ROPN1: variants seen among roughly 807,000 people sequenced by gnomAD.
The protein encoded by ROPN1 is ropporin-1A.
Under a neutral mutation model 20.5 loss-of-function variants are expected in ROPN1, and 14 were observed. The observed-to-expected ratio is 0.68, with a 90% CI of 0.45 to 1.07. The LOEUF is 1.07. ROPN1 is among the 50% of genes least tolerant of loss of function. The pLI is 0.00. For synonymous variants in ROPN1, 76 were observed against 95.7 expected (o/e 0.79, Z 1.20); for missense variants, 169 against 242.8 (o/e 0.70, Z 2.02).
At chr3:123,980,310 G>C in intron 2 of ROPN1, 56 bp downstream of exon 2, 1 of 1,571,478 alleles carries the variant, frequency 6.4e-7, no homozygotes, top group Admixed American at 1.7e-5. Flanking sequence ...CGGTTTTACA[G>C]GACCCTCTGT....
intron 2 of ROPN1, among the ~76,000 whole-genome samples, chr3:123,977,336 A>G (rs899364698): frequency 2.0e-5 from 3 of 152,196 alleles, no homozygotes; most frequent in African/African-American, 4.8e-5. Flanking sequence ...ACATATGTAT[A>G]TATAATATTG....
chr3:123,970,162 C>A lies in ROPN1; in HGVS notation c.452G>T (p.Gly151Val). ...GCTGAACGGGATCCGGGGCGACCCA[C>A]CATTATGGTCACATGATAAGACCTC... The part of the protein sequence containing the change: ...VCEVLSCDHN[G>V]GSPRIPFSTF... Residue 151 changes from glycine to valine, a missense_variant, in exon 5 of 6, where the codon GGT becomes GTT. Gly to Val is a moderately radical substitution (Grantham distance 109, BLOSUM62 -3). Coordinates refer to ENST00000405845, the MANE Select transcript of ROPN1 (RefSeq NM_001317774.2). The A allele has an allele frequency of 1.2e-6, 2 of 1,614,034 alleles. No individual in the cohort carries two copies. The highest frequency in any genetic ancestry group is 1.7e-6 in the Non-Finnish European group (2 of 1,179,956).
chr3:123,973,897 A>T (rs2037962538), intron 4 of ROPN1, among the ~76,000 whole-genome samples: 1 of 152,228 alleles, frequency 6.6e-6, no homozygotes, highest in Non-Finnish European at 1.5e-5. Flanking sequence ...AGGCATTACC[A>T]TGGAGACCAG....
chr3:123,985,992 C>CA (rs35677015), intron 1 of ROPN1, among the ~76,000 whole-genome samples: 12 of 22,124 alleles, frequency 5.4e-4, no homozygotes, highest in South Asian at 3.4e-3. Flanking sequence ...GACCTTGTCT[C>CA]AAAAAAAAAA....
At chr3:123,980,969 C>T (rs1161565369) in intron 1 of ROPN1, among the ~76,000 whole-genome samples, 1 of 152,134 alleles carries the variant, frequency 6.6e-6, no homozygotes, top group Non-Finnish European at 1.5e-5. Flanking sequence ...GACATTAGGC[C>T]ATTTCCACAT....
intron 5 of ROPN1, among the ~76,000 whole-genome samples, chr3:123,969,795 C>G (rs2037878487): frequency 6.6e-6 from 1 of 152,226 alleles, no homozygotes; most frequent in African/African-American, 2.4e-5. Flanking sequence ...GCATTTCTAA[C>G]ATCTTCTTAG....
At chr3:123,986,018 A>AAAAAAAAAAAT (rs201340337) in intron 1 of ROPN1, among the ~76,000 whole-genome samples, 5,022 of 93,878 alleles carry the variant, frequency 0.053, 1,283 homozygotes, top group Middle Eastern at 0.093. Flanking sequence ...AAAAAAAAAA[A>AAAAAAAAAAAT]TCAAAATATT....
intron 4 of ROPN1, among the ~76,000 whole-genome samples, chr3:123,973,496 TC>T (rs1397928028): frequency 6.6e-6 from 1 of 152,116 alleles, no homozygotes; most frequent in Admixed American, 6.5e-5. Context: ...GAATCCCACC[TC>T]CTTATTTTAG....
intron 1 of ROPN1, among the ~76,000 whole-genome samples, chr3:123,982,176 A>G (rs2038163845): frequency 6.6e-6 from 1 of 152,226 alleles, no homozygotes; most frequent in Non-Finnish European, 1.5e-5. Flanking sequence ...GACAAAAGAT[A>G]CTTTAAGGCA....
chr3:123,991,421 A>G (rs2038407650), intron 1 of ROPN1: 2 of 61,874 alleles, frequency 3.2e-5, no homozygotes, highest in South Asian at 6.2e-4. Context: ...ATAGGAGTCT[A>G]TGAAGTGCTA....
In ROPN1 at chr3:123,969,216, C is replaced by T; in HGVS notation, c.578G>A (p.Gly193Asp). 6.2e-7 allele frequency: 1 copy of T among 1,613,438 alleles called. No individual in the cohort carries two copies. Among genetic ancestry groups the T allele is most frequent in the Non-Finnish European group, 8.5e-7 (1 of 1,179,418 alleles). Residue 193 changes from glycine (G) to aspartate (D), a missense_variant, in exon 6 of 6, where the codon GGC (glycine) becomes GAC (aspartate). Gly to Asp is a moderately conservative substitution (Grantham distance 94). This residue lies in a region of ROPN1 where 82 missense variants were observed against 100.1 expected (regional missense o/e 0.82). Coordinates refer to ENST00000405845, the MANE Select transcript of ROPN1 (RefSeq NM_001317774.2). The stretch of plus-strand genomic sequence containing the variant: ...ATTCACTGTGATTATACCATCAGGG[C>T]CAATTCTGTTTGGAAAAAGGTATAT... ...MLNYMEQEVI[G>D]PDGIITVNDF...
intron 3 of ROPN1, among the ~76,000 whole-genome samples, chr3:123,976,138 A>C (rs1336650171): frequency 2.0e-5 from 3 of 152,190 alleles, no homozygotes; most frequent in Admixed American, 6.5e-5. Flanking sequence ...GGATAAAAGG[A>C]GGGAAGGTGA....
chr3:123,970,261 C>A lies in ROPN1; in HGVS notation c.397-44G>T. 2.6e-6 allele frequency: 4 copies of A among 1,555,866 alleles called. No individual in the cohort carries two copies. The South Asian group carries it at 4.5e-5, about 18-fold the overall frequency. ...ATGAGGAGAAAGTTACTCTTCCAGG[C>A]AATATTCCTGAGATCGGTTTAGATA... On this transcript the variant is annotated intron_variant, in intron 4 of 5. Transcript: ENST00000405845.
intron 1 of ROPN1, among the ~76,000 whole-genome samples, chr3:123,990,242 A>G (rs931157220): frequency 6.6e-6 from 1 of 151,840 alleles, no homozygotes; most frequent in Non-Finnish European, 1.5e-5. Flanking sequence ...TATTTAGGAG[A>G]TAGGATCTAC....
At chr3:123,977,527 G>A (rs541744092) in intron 2 of ROPN1, among the ~76,000 whole-genome samples, 194 of 151,946 alleles carry the variant, frequency 1.3e-3, no homozygotes, top group African/African-American at 4.5e-3. Context: ...GTGACAGAGT[G>A]AGACCCCCAT....
rs779796181 is a variant in ROPN1, at chr3:123,970,078, T to C, written c.536A>G (p.His179Arg). 2 of 1,614,210 alleles carry C rather than the reference T, an allele frequency of 1.2e-6. No individual in the cohort carries two copies. Among genetic ancestry groups the C allele is most frequent in the East Asian group, 2.2e-5 (1 of 44,886 alleles). ...CATGTAGTTTAGCATCCTGCTGACATGTGATGCAGAGATCTCCCCATCCAC... is the reference window on the plus strand; with the variant it reads ...CATGTAGTTTAGCATCCTGCTGACACGTGATGCAGAGATCTCCCCATCCAC... ...AKVDGEISAS[H>R]VSRMLNYMEQ... The change falls in exon 5 of 6, where the codon CAT (histidine) becomes CGT (arginine). Residue 179 changes from histidine to arginine, a missense_variant. By Grantham distance (29) the His-to-Arg change is conservative. Coordinates refer to ENST00000405845, the MANE Select transcript of ROPN1 (RefSeq NM_001317774.2).
chr3:123,980,605 C>G (rs2038122591), intron 1 of ROPN1, 112 bp from the exon 2 acceptor site: 9 of 896,254 alleles, frequency 1.0e-5, no homozygotes, highest in South Asian at 1.8e-5. Flanking sequence ...TTTGGGGACT[C>G]TGCAAGACAA....
At chr3:123,971,080 G>A (rs1031306699) in intron 4 of ROPN1, among the ~76,000 whole-genome samples, 11 of 152,218 alleles carry the variant, frequency 7.2e-5, no homozygotes, top group African/African-American at 2.7e-4. Context: ...AGGGATCAGT[G>A]AAAGATCAGT....
chr3:123,973,501 A>G (rs1444063599), intron 4 of ROPN1, among the ~76,000 whole-genome samples: 1 of 152,096 alleles, frequency 6.6e-6, no homozygotes, highest in African/African-American at 2.4e-5. Context: ...CCACCTCCTT[A>G]TTTTAGAAGG....
Sources: gnomAD v4.1 joint callset for allele counts (sites outside exome capture counted in the v4.1 genomes callset) on GRCh38, gnomAD v4.1.1 for gene constraint, gnomAD v4.1.1 regional missense constraint, MANE v1.5 for transcripts, NCBI Gene and HGNC (gene_info 2026-07-23, HGNC 2026-07-21) for gene names.